TXNDC16: variants seen among roughly 807,000 people sequenced by gnomAD.
TXNDC16 encodes the protein thioredoxin domain containing 16.
A neutral mutation model predicts 85.6 loss-of-function variants in TXNDC16; 74 were observed. The observed-to-expected ratio is 0.86, with a 90% CI of 0.72 to 1.05. TXNDC16 has a LOEUF of 1.05. TXNDC16 is among the 50% of genes least tolerant of loss of function. The probability of loss-of-function intolerance (pLI) is 0.00; values close to 1 mark genes in which losing one functional copy is unlikely to be tolerated. For missense variants in TXNDC16, 959 were observed against 947.0 expected (o/e 1.01, Z -0.17); for synonymous variants, 335 against 326.5 (o/e 1.03, Z -0.28).
intron 4 of TXNDC16, among the ~76,000 whole-genome samples, chr14:52,537,882 T>C (rs1203507145): frequency 6.6e-6 from 1 of 152,218 alleles, no homozygotes; most frequent in Non-Finnish European, 1.5e-5. Context: ...TTCAGTCTCA[T>C]GGAACCAGTA....
intron 6 of TXNDC16, among the ~76,000 whole-genome samples, chr14:52,530,217 T>A (rs1594757285): frequency 2.0e-5 from 1 of 50,704 alleles, no homozygotes; most frequent in Admixed American, 4.0e-4. Context: ...TTATACAGAA[T>A]AATATATAAT....
chr14:52,474,030 T>A (rs1159673585), intron 14 of TXNDC16, among the ~76,000 whole-genome samples: 3 of 152,214 alleles, frequency 2.0e-5, no homozygotes, highest in African/African-American at 7.2e-5. Context: ...GATATCTGAT[T>A]ACCAAAAAAA....
intron 8 of TXNDC16, among the ~76,000 whole-genome samples, chr14:52,513,501 C>T (rs560991982): frequency 5.5e-4 from 83 of 152,014 alleles, no homozygotes; most frequent in African/African-American, 2.0e-3. Flanking sequence ...CCAAACTTCC[C>T]CAATACATCA....
At chr14:52,496,425 T>C (rs796401128) in intron 9 of TXNDC16, among the ~76,000 whole-genome samples, 18 of 136,994 alleles carry the variant, frequency 1.3e-4, no homozygotes, top group African/African-American at 2.3e-4. Flanking sequence ...CGTCTTTTTT[T>C]TTTTTTTTTT....
chr14:52,522,202 G>A (rs1209045295), intron 6 of TXNDC16, among the ~76,000 whole-genome samples: 2 of 152,170 alleles, frequency 1.3e-5, no homozygotes, highest in Admixed American at 6.5e-5. Flanking sequence ...TCTCCAACGT[G>A]TTTGCTTCAA....
At chr14:52,520,200 A>C (rs2037176991) in intron 6 of TXNDC16, among the ~76,000 whole-genome samples, 1 of 152,246 alleles carries the variant, frequency 6.6e-6, no homozygotes, top group African/African-American at 2.4e-5. Context: ...CAGGGACAGA[A>C]TACAGAACAG....
chr14:52,450,885 AC>A (rs1811066443), intron 18 of TXNDC16, among the ~76,000 whole-genome samples: 4 of 150,986 alleles, frequency 2.6e-5, no homozygotes, highest in South Asian at 2.1e-4. Flanking sequence ...ATATATACAC[AC>A]ACACACACAT....
Position 52,510,781 on chromosome 14 carries a change from T to C in TXNDC16, c.756+459A>G, listed in dbSNP as rs1032307100. ...TCACCTAGTGTCTCTACAACATTCT[T>C]TCAGGCTAATGGTAAGGAAACTGGA... On this transcript the variant is annotated intron_variant, in intron 9 of 20. Coordinates refer to ENST00000281741, the MANE Select transcript of TXNDC16 (RefSeq NM_020784.3). 5.8e-4 allele frequency among the ~76,000 whole-genome samples: 89 copies of C among 152,234 alleles called. 3 individuals are homozygous for C. Among genetic ancestry groups the C allele is most frequent in the Admixed American group, 6.5e-5 (1 of 15,286 alleles).
intron 16 of TXNDC16, chr14:52,462,922 C>T: frequency 2.2e-6 from 1 of 455,638 alleles, no homozygotes; most frequent in Non-Finnish European, 4.4e-6. Flanking sequence ...TGAATCTTGG[C>T]TTTGGCTCTC....
chr14:52,505,223 A>G (rs1027323973), intron 9 of TXNDC16, among the ~76,000 whole-genome samples: 1 of 152,202 alleles, frequency 6.6e-6, no homozygotes, highest in African/African-American at 2.4e-5. Flanking sequence ...AAGCAGACCT[A>G]ATACACATCT....
At chr14:52,524,871 A>G (rs1246835139) in intron 6 of TXNDC16, among the ~76,000 whole-genome samples, 1 of 152,010 alleles carries the variant, frequency 6.6e-6, no homozygotes, top group Admixed American at 6.6e-5. Flanking sequence ...CTGTAATCCC[A>G]GCACTTTGGG....
chr14:52,517,281 C>G (rs946718877), intron 7 of TXNDC16, among the ~76,000 whole-genome samples: 1 of 152,090 alleles, frequency 6.6e-6, no homozygotes, highest in Non-Finnish European at 1.5e-5. Flanking sequence ...TCAGCCTGTT[C>G]AATACTTACA....
Position 52,530,759 on chromosome 14 carries a change from CTG to C in TXNDC16, c.392+5958_392+5959del, listed in dbSNP as rs541095373. ...TATGTCTGTATACGTCAGTATGTCT[CTG>C]TGTATTAGAAGATAACAGAAGAAAA... On this transcript the variant is annotated intron_variant, in intron 6 of 20. Coordinates refer to ENST00000281741, the MANE Select transcript of TXNDC16 (RefSeq NM_020784.3). 3.6e-3 allele frequency among the ~76,000 whole-genome samples: 520 copies of C among 145,906 alleles called. 4 individuals are homozygous for C. The highest frequency in any genetic ancestry group is 0.013 in the African/African-American group (503 of 39,458).
intron 9 of TXNDC16, among the ~76,000 whole-genome samples, chr14:52,499,546 C>T (rs1479736979): frequency 6.6e-6 from 1 of 150,574 alleles, no homozygotes; most frequent in Non-Finnish European, 1.5e-5. Context: ...CACTAATCAT[C>T]GGGAAAATAA....
intron 14 of TXNDC16, 51 bp downstream of exon 14, chr14:52,482,179 T>C: frequency 6.8e-7 from 1 of 1,477,278 alleles, no homozygotes; most frequent in East Asian, 2.4e-5. Context: ...GTTTTACAAA[T>C]AGCTACAGCT....
intron 19 of TXNDC16, among the ~76,000 whole-genome samples, 172 bp downstream of exon 19, chr14:52,440,392 T>C (rs1317456253): frequency 2.0e-5 from 3 of 151,338 alleles, no homozygotes; most frequent in African/African-American, 7.4e-5. Flanking sequence ...TAATCTAAAA[T>C]AAGGTCATCT....
chr14:52,454,972 C>T (rs866795953), intron 18 of TXNDC16, among the ~76,000 whole-genome samples: 7 of 152,236 alleles, frequency 4.6e-5, no homozygotes, highest in Middle Eastern at 3.4e-3. Context: ...ATGCAGAAAC[C>T]GAAGAACAGA....
At chr14:52,476,436 A>T (rs2036022130) in intron 14 of TXNDC16, among the ~76,000 whole-genome samples, 1 of 152,178 alleles carries the variant, frequency 6.6e-6, no homozygotes, top group Admixed American at 6.5e-5. Context: ...CTGAAAAAAA[A>T]TTATGCAAGA....
intron 18 of TXNDC16, among the ~76,000 whole-genome samples, chr14:52,447,174 C>G (rs990572091): frequency 2.0e-5 from 3 of 151,704 alleles, no homozygotes; most frequent in Non-Finnish European, 4.4e-5. Flanking sequence ...AGAGGCAAGC[C>G]CACTATCCTG....
Sources: allele counts gnomAD v4.1 joint callset (sites outside exome capture counted in the v4.1 genomes callset), GRCh38; gene constraint gnomAD v4.1.1; transcripts MANE v1.5; gene names NCBI Gene and HGNC (gene_info 2026-07-23, HGNC 2026-07-21).